NRXN3: variants seen among roughly 807,000 people sequenced by gnomAD.
NRXN3 encodes neurexin III.
In NRXN3, 32 loss-of-function variants were observed where a neutral mutation model predicts 137.6. That is an observed-to-expected ratio of 0.23 (90% CI 0.18 to 0.31). The LOEUF (loss-of-function observed/expected upper bound fraction) is 0.31, where lower values mean the gene tolerates loss of function less well. Among genes scored for constraint, NRXN3 ranks in the 10% least tolerant of loss-of-function variants. The pLI, the probability that NRXN3 is intolerant of heterozygous loss-of-function variation, is 1.00. For synonymous variants in NRXN3, 798 were observed against 784.5 expected (o/e 1.02, Z -0.29); for missense variants, 1,574 against 2,062.5 (o/e 0.76, Z 4.59).
At position 78,411,613 on chromosome 14, in the gene NRXN3, A is replaced by G. The variant is rs368479689; in HGVS notation, c.757+113753A>G. On this transcript the variant is annotated intron_variant, in intron 4 of 20. Transcript: ENST00000335750. Reference sequence around the variant, plus strand: ...ACTCTGTGGGATTTTGCAATTTAAAACATCACTTCCATGCATGGCTGTCTC... The same window carrying G: ...ACTCTGTGGGATTTTGCAATTTAAAGCATCACTTCCATGCATGGCTGTCTC... 5.5e-4 allele frequency among the ~76,000 whole-genome samples: 84 copies of G among 152,294 alleles called. No individual in the cohort carries two copies. In the Middle Eastern group the frequency reaches 0.02, roughly 37 times the overall value.
chr14:78,982,815 A>C (rs2099492789), intron 14 of NRXN3, among the ~76,000 whole-genome samples: 1 of 152,218 alleles, frequency 6.6e-6, no homozygotes, highest in Non-Finnish European at 1.5e-5. Context: ...AAGGTTCTGC[A>C]CATCAAGAAA....
At chr14:79,726,300 G>A (rs934534180) in intron 19 of NRXN3, among the ~76,000 whole-genome samples, 6 of 152,270 alleles carry the variant, frequency 3.9e-5, no homozygotes, top group African/African-American at 1.4e-4. Flanking sequence ...TAACTACCTT[G>A]GAAGTATTAG....
At chr14:79,177,147 G>A (rs1304577082) in intron 15 of NRXN3, among the ~76,000 whole-genome samples, 1 of 152,180 alleles carries the variant, frequency 6.6e-6, no homozygotes, top group Non-Finnish European at 1.5e-5. Flanking sequence ...TGTAAACAGG[G>A]TGGATATTTT....
intron 15 of NRXN3, among the ~76,000 whole-genome samples, chr14:79,038,663 G>C (rs1292409388): frequency 6.6e-6 from 1 of 152,036 alleles, no homozygotes; most frequent in Non-Finnish European, 1.5e-5. Context: ...TGAATGACTG[G>C]CTTCATCTTC....
intron 10 of NRXN3, among the ~76,000 whole-genome samples, chr14:78,911,858 A>G (rs570146351): frequency 6.6e-6 from 1 of 152,154 alleles, no homozygotes; most frequent in South Asian, 2.1e-4. Context: ...TTTAGGCCTT[A>G]AGGAACCACA....
At chr14:79,763,398 G>C (rs529565215) in intron 19 of NRXN3, among the ~76,000 whole-genome samples, 13 of 67,614 alleles carry the variant, frequency 1.9e-4, no homozygotes, top group Non-Finnish European at 4.0e-4. Context: ...ATAGTAGAAT[G>C]ATTTATAATC....
chr14:78,966,673 AG>A (rs1417432042), intron 12 of NRXN3, among the ~76,000 whole-genome samples: 2 of 152,210 alleles, frequency 1.3e-5, no homozygotes, highest in African/African-American at 2.4e-5. Flanking sequence ...ATTGAAGAAA[AG>A]CTTATTTTTG....
At chr14:79,277,458 G>A (rs965439792) in intron 15 of NRXN3, among the ~76,000 whole-genome samples, 3 of 152,142 alleles carry the variant, frequency 2.0e-5, no homozygotes, top group Non-Finnish European at 4.4e-5. Context: ...ATTTTTTCTG[G>A]CTTTTCTAGC....
chr14:79,569,962 C>T (rs1034820507), intron 16 of NRXN3, among the ~76,000 whole-genome samples: 2 of 152,138 alleles, frequency 1.3e-5, no homozygotes, highest in African/African-American at 4.8e-5. Flanking sequence ...TTAAACATCA[C>T]CAGAAGGGAT....
chr14:79,366,819 C>T lies in NRXN3; in HGVS notation c.3263-100402C>T, dbSNP rs1047613421. Among the ~76,000 whole-genome samples, 13 of 152,108 alleles carry T rather than the reference C, an allele frequency of 8.5e-5. No individual in the cohort carries two copies. The South Asian group carries it at 1.0e-3, about 12-fold the overall frequency. ...GTATGCATTTTCTGGATAGCATTCT[C>T]GAACAGAGATTTGATGAGAGTCACA... On this transcript the variant is annotated intron_variant, in intron 15 of 20. Transcript: ENST00000335750.
At chr14:79,375,792 C>A (rs925225444) in intron 15 of NRXN3, among the ~76,000 whole-genome samples, 1 of 151,840 alleles carries the variant, frequency 6.6e-6, no homozygotes, top group East Asian at 1.9e-4. Flanking sequence ...TATTTCTCAT[C>A]AATATATAAA....
intron 16 of NRXN3, among the ~76,000 whole-genome samples, chr14:79,478,236 C>T (rs561648440): frequency 6.7e-6 from 1 of 148,536 alleles, no homozygotes; most frequent in East Asian, 2.0e-4. Flanking sequence ...TATACATATA[C>T]AAGATAAAGG....
At chr14:78,978,284 A>C (rs554099567) in intron 14 of NRXN3, among the ~76,000 whole-genome samples, 1 of 152,304 alleles carries the variant, frequency 6.6e-6, no homozygotes, top group South Asian at 2.1e-4. Flanking sequence ...TCTTGGGAAT[A>C]CAGCCACCCT....
At chr14:79,460,132 T>G (rs1006094863) in intron 15 of NRXN3, among the ~76,000 whole-genome samples, 1 of 152,178 alleles carries the variant, frequency 6.6e-6, no homozygotes, top group Non-Finnish European at 1.5e-5. Context: ...TGCGTGTGTA[T>G]TTTAGTCAAA....
chr14:79,453,313 T>A (rs1024149991), intron 15 of NRXN3, among the ~76,000 whole-genome samples: 2 of 151,826 alleles, frequency 1.3e-5, no homozygotes, highest in Admixed American at 1.3e-4. Context: ...CTCAAAAAAA[T>A]AAATAAATAA....
intron 20 of NRXN3, among the ~76,000 whole-genome samples, chr14:79,834,994 CTTCTGT>C (rs1201755427): frequency 6.6e-6 from 1 of 152,100 alleles, no homozygotes; most frequent in Non-Finnish European, 1.5e-5. Context: ...TTCTACTCTA[CTTCTGT>C]GAGTTCAACT....
At chr14:79,537,545 G>T (rs1352714849) in intron 16 of NRXN3, among the ~76,000 whole-genome samples, 4 of 151,918 alleles carry the variant, frequency 2.6e-5, no homozygotes, top group Admixed American at 6.6e-5. Flanking sequence ...GCAGTGTTTG[G>T]TTTTTTTGTC....
At chr14:79,782,264 G>C (rs531168247) in intron 19 of NRXN3, among the ~76,000 whole-genome samples, 3 of 152,144 alleles carry the variant, frequency 2.0e-5, no homozygotes, top group Non-Finnish European at 4.4e-5. Context: ...GCCAGATTCT[G>C]GTTCATTAAC....
At chr14:79,843,775 A>T (rs2099361195) in intron 20 of NRXN3, among the ~76,000 whole-genome samples, 1 of 152,178 alleles carries the variant, frequency 6.6e-6, no homozygotes, top group Non-Finnish European at 1.5e-5. Flanking sequence ...TAATTTTAAT[A>T]GTTTTGGGGT....
Sources: gnomAD v4.1 joint callset for allele counts (sites outside exome capture counted in the v4.1 genomes callset) on GRCh38, gnomAD v4.1.1 for gene constraint, MANE v1.5 for transcripts, NCBI Gene and HGNC (gene_info 2026-07-23, HGNC 2026-07-21) for gene names.